AGO2: variants seen among roughly 807,000 people sequenced by gnomAD.
AGO2 encodes protein argonaute-2.
A neutral mutation model predicts 102.3 loss-of-function variants in AGO2; 5 were observed. That is an observed-to-expected ratio of 0.05 (90% confidence interval 0.03 to 0.10). AGO2 has a LOEUF of 0.10. AGO2 is among the 10% of genes least tolerant of loss of function. AGO2 has a pLI of 1.00. For missense variants in AGO2, 541 were observed against 1,183.7 expected, an observed-to-expected ratio of 0.46 and a Z score of 7.97; for synonymous variants, 449 against 473.1, an observed-to-expected ratio of 0.95 and a Z score of 0.66.
intron 17 of AGO2, among the ~76,000 whole-genome samples, chr8:140,533,156 G>A (rs1464553565): frequency 2.6e-5 from 4 of 151,708 alleles, no homozygotes; most frequent in Middle Eastern, 3.2e-3. Context: ...TTGGGAGGCC[G>A]AGGCGGGCAG....
intron 4 of AGO2, among the ~76,000 whole-genome samples, chr8:140,560,747 G>A (rs566471380): frequency 3.3e-5 from 5 of 152,362 alleles, no homozygotes; most frequent in South Asian, 2.1e-4. Context: ...GGTGAAAGAC[G>A]TTTAAAGACA....
At chr8:140,630,423 C>A (rs989304157) in intron 1 of AGO2, among the ~76,000 whole-genome samples, 1 of 152,216 alleles carries the variant, frequency 6.6e-6, no homozygotes, top group African/African-American at 2.4e-5. Flanking sequence ...TTGGTCACAA[C>A]GTGTAAAGGA....
chr8:140,612,567 C>T (rs1175997330), intron 1 of AGO2, among the ~76,000 whole-genome samples: 1 of 152,090 alleles, frequency 6.6e-6, no homozygotes, highest in African/African-American at 2.4e-5. Context: ...TTGAGACCAG[C>T]TTGGCCAACA....
chr8:140,589,840 C>T lies in AGO2; in HGVS notation c.23-4529G>A, dbSNP rs1179898090. ...GGACGGAGTGATGGCTCAGTGAGTA[C>T]AGACCAGAGAGTAGATGCTATCAAG... On this transcript the variant is annotated intron_variant, in intron 1 of 18. Transcript: ENST00000220592. This position sits in a 1 kb window ranked among gnomAD's most constrained non-coding sequence, Gnocchi z 4.2. Among the ~76,000 whole-genome samples the T allele has an allele frequency of 6.6e-6, 1 of 151,968 alleles. No individual in the cohort carries two copies. Among genetic ancestry groups the T allele is most frequent in the Non-Finnish European group, 1.5e-5 (1 of 68,020 alleles).
chr8:140,597,760 C>CTTA (rs1390560462), intron 1 of AGO2, among the ~76,000 whole-genome samples: 2 of 151,824 alleles, frequency 1.3e-5, no homozygotes, highest in African/African-American at 4.8e-5. Flanking sequence ...AGGGTTATAA[C>CTTA]ACATCTTAGC....
At chr8:140,574,979 G>T (rs924278271) in intron 2 of AGO2, among the ~76,000 whole-genome samples, 5 of 152,182 alleles carry the variant, frequency 3.3e-5, no homozygotes, top group African/African-American at 1.2e-4. Context: ...GAATGGCTTT[G>T]CTTGGTCCAC....
intron 1 of AGO2, among the ~76,000 whole-genome samples, chr8:140,585,802 C>T (rs1479620826): frequency 6.6e-6 from 1 of 152,118 alleles, no homozygotes; most frequent in African/African-American, 2.4e-5. Context: ...TTTCAATTTT[C>T]ACTCAAATGT....
intron 1 of AGO2, among the ~76,000 whole-genome samples, chr8:140,617,854 T>A: frequency 6.6e-6 from 1 of 151,858 alleles, no homozygotes; most frequent in East Asian, 1.9e-4. Context: ...CTGTCTCTAC[T>A]AAAAAATAAA....
intron 1 of AGO2, among the ~76,000 whole-genome samples, chr8:140,632,345 T>C (rs1030537220): frequency 2.6e-5 from 4 of 152,236 alleles, no homozygotes; most frequent in African/African-American, 7.2e-5. Context: ...TATCCTGCCA[T>C]GGCAGATGGG....
In AGO2 at chr8:140,562,627, A is replaced by G; in HGVS notation, c.344T>C (p.Leu115Pro). 3.1e-6 allele frequency: 5 copies of G among 1,613,402 alleles called. No individual in the cohort carries two copies. The highest frequency in any genetic ancestry group is 4.2e-6 in the Non-Finnish European group (5 of 1,179,820). ...PLPIGRDKVE[L>P]EVTLPGEGKD... is the part of the protein sequence containing the mutation. ...GCCTTCTCCTGGCAGCGTGACCTCC[A>G]GCTCCACCTGCGAGGATCCAAGGCA... is the stretch of plus-strand genomic sequence containing the variant. Residue 115 changes from leucine (L) to proline (P), a missense_variant, in exon 4 of 19, where the codon CTG becomes CCG. Physicochemically the swap from Leu to Pro is moderately conservative, Grantham distance 98 (BLOSUM62 -3). Transcript: ENST00000220592.
chr8:140,602,358 T>C (rs1359304975), intron 1 of AGO2, among the ~76,000 whole-genome samples: 1 of 152,214 alleles, frequency 6.6e-6, no homozygotes, highest in Non-Finnish European at 1.5e-5. Flanking sequence ...TCCCCAGTGA[T>C]ATATTTAGAA....
At position 140,530,392 on chromosome 8, in the gene AGO2, C is replaced by G. The variant is rs1012408414; in HGVS notation, c.*1652G>C. 3.9e-5 allele frequency: 6 copies of G among 152,338 alleles called. No homozygotes were observed. The highest frequency in any genetic ancestry group is 1.4e-4 in the African/African-American group (6 of 41,440). 9.4% of individuals were successfully genotyped at this position (152,338 alleles called of 1,614,324 possible). ...TGCCGAGGTAAGTGTCGCGCAGGGC[C>G]GGGGAGGGAACAGCAGCAGGAAGAG... On this transcript the variant is annotated 3_prime_UTR_variant, in exon 19 of 19. Transcript: ENST00000220592.
chr8:140,580,186 G>GAGGA (rs1018714566), intron 2 of AGO2, among the ~76,000 whole-genome samples: 1 of 152,280 alleles, frequency 6.6e-6, no homozygotes, highest in Non-Finnish European at 1.5e-5. Context: ...ACGCTCCTGG[G>GAGGA]AGGAAGGGTC....
intron 1 of AGO2, among the ~76,000 whole-genome samples, chr8:140,586,878 G>A (rs1009856110): frequency 3.9e-5 from 6 of 152,178 alleles, no homozygotes; most frequent in Admixed American, 2.6e-4. Context: ...GGTCGGGCAC[G>A]CTCCTCTCGG....
intron 1 of AGO2, among the ~76,000 whole-genome samples, chr8:140,612,503 C>T (rs954276232): frequency 9.2e-5 from 14 of 152,050 alleles, no homozygotes; most frequent in African/African-American, 1.7e-4. Flanking sequence ...TGGTGGCTCA[C>T]GCCTGTAATC....
At position 140,575,892 on chromosome 8, in the gene AGO2, T is replaced by C. The variant is rs539682942; in HGVS notation, c.216-2960A>G. 2.6e-5 allele frequency among the ~76,000 whole-genome samples: 4 copies of C among 152,200 alleles called. No individual in the cohort carries two copies. The South Asian group carries it at 8.3e-4, about 32-fold the overall frequency. ...AGAAGAAAACATAAGATAAAAACGT[T>C]CCTAAAACTTGGGATAGACAAAAAT... On this transcript the variant is annotated intron_variant, in intron 2 of 18. Coordinates refer to ENST00000220592, the MANE Select transcript of AGO2 (RefSeq NM_012154.5).
At chr8:140,587,651 G>A (rs977340630) in intron 1 of AGO2, among the ~76,000 whole-genome samples, 7 of 152,364 alleles carry the variant, frequency 4.6e-5, no homozygotes, top group South Asian at 2.1e-4. Context: ...GCCCACCCTG[G>A]GCTGTGAGCC....
At position 140,520,999 on chromosome 8, in the gene AGO2, A is replaced by AT. The variant is rs1334636136; in HGVS notation, c.*11044dup. On this transcript the variant is annotated 3_prime_UTR_variant, in exon 19 of 19. Coordinates refer to ENST00000220592, the MANE Select transcript of AGO2 (RefSeq NM_012154.5). ...ATTTTTAAATTTCTTTCAACAGTCT[A>AT]TTGGGGTCCAAAAAGCATATATCAA... is the stretch of plus-strand genomic sequence containing the variant. 1 of 152,182 alleles carries AT rather than the reference A, an allele frequency of 6.6e-6. No homozygotes were observed. The highest frequency in any genetic ancestry group is 2.4e-5 in the African/African-American group (1 of 41,442). The allele number at this position is 152,182 out of a possible 1,614,324, so 9.4% of individuals were successfully genotyped here.
intron 1 of AGO2, among the ~76,000 whole-genome samples, chr8:140,611,596 G>A (rs947353088): frequency 6.6e-6 from 1 of 152,110 alleles, no homozygotes; most frequent in Non-Finnish European, 1.5e-5. Context: ...CCAAAGTGCT[G>A]GGATTACAGG....
Sources: gnomAD v4.1 joint callset for allele counts (sites outside exome capture counted in the v4.1 genomes callset) on GRCh38, gnomAD v4.1.1 for gene constraint, Gnocchi (gnomAD v3.1) non-coding constraint, MANE v1.5 for transcripts, NCBI Gene and HGNC (gene_info 2026-07-23, HGNC 2026-07-21) for gene names.